The following TENM3 variants were observed in gnomAD, a reference collection of about 807,000 sequenced individuals.
The protein encoded by TENM3 is teneurin-3.
TENM3 carries 63 observed loss-of-function variants against 255.1 expected under a neutral mutation model. The ratio of observed to expected loss-of-function variants is 0.25; its 90% CI spans 0.20 to 0.30. The LOEUF (loss-of-function observed/expected upper bound fraction) is 0.30. TENM3 is among the 10% of genes least tolerant of loss of function. TENM3 has a pLI of 1.00. For synonymous variants in TENM3, 1,306 were observed against 1,322.3 expected (o/e 0.99, Z 0.27); for missense variants, 2,929 against 3,461.1 (o/e 0.85, Z 3.86).
At chr4:181,454,937 G>C in the TENM3 span, among the ~76,000 whole-genome samples, 1 of 151,918 alleles carries the variant, frequency 6.6e-6, no homozygotes, top group Non-Finnish European at 1.5e-5. Flanking sequence ...AATCACCTAA[G>C]AACAGGTTTC....
chr4:182,791,758 T>G (rs1273120789), intron 25 of TENM3, among the ~76,000 whole-genome samples: 1 of 152,228 alleles, frequency 6.6e-6, no homozygotes, highest in Non-Finnish European at 1.5e-5. Flanking sequence ...CATTTTTGGC[T>G]AATTTTATGT....
rs373444786 is a variant in TENM3, at chr4:182,789,165, C to T, written c.5377C>T (p.Arg1793Cys). 2.5e-5 allele frequency: 40 copies of T among 1,612,682 alleles called. No individual in the cohort carries two copies. Among genetic ancestry groups the T allele is most frequent in the African/African-American group, 1.7e-4 (13 of 74,910 alleles). Residue 1793 changes from arginine to cysteine, a missense_variant, in exon 25 of 28, where the codon CGT becomes TGT. Coordinates refer to ENST00000511685, the MANE Select transcript of TENM3 (RefSeq NM_001080477.4). The surrounding 1 kb of genome is among the most constrained non-coding windows in gnomAD (Gnocchi z 4.4). ...GACAGAAAAGATCTATGACGACCACCGTAAATTTCTACTGAGGATCGCCTA... is the reference window on the plus strand; with the variant it reads ...GACAGAAAAGATCTATGACGACCACTGTAAATTTCTACTGAGGATCGCCTA... ...TKTEKIYDDHRKFLLRIAYDT... is the reference protein window; with the variant it reads ...TKTEKIYDDHCKFLLRIAYDT...
At chr4:181,502,122 A>G in the TENM3 span, among the ~76,000 whole-genome samples, 1 of 152,170 alleles carries the variant, frequency 6.6e-6, no homozygotes, top group African/African-American at 2.4e-5. Flanking sequence ...GCAAAACCTT[A>G]TTTAGAAGGT....
chr4:182,112,763 C>G, the TENM3 span, among the ~76,000 whole-genome samples: 1 of 152,088 alleles, frequency 6.6e-6, no homozygotes, highest in Non-Finnish European at 1.5e-5. Flanking sequence ...AATTGCCATC[C>G]CGGAATCTCC....
chr4:182,636,465 A>AG (rs1386682569), intron 5 of TENM3, among the ~76,000 whole-genome samples: 6 of 152,108 alleles, frequency 3.9e-5, no homozygotes, highest in African/African-American at 1.2e-4. Flanking sequence ...GGCCGGGCAC[A>AG]GTGGCTCACA....
intron 1 of TENM3, among the ~76,000 whole-genome samples, chr4:182,174,123 C>T (rs905414241): frequency 2.6e-5 from 4 of 152,008 alleles, no homozygotes; most frequent in African/African-American, 9.7e-5. Context: ...CTACATTTAT[C>T]TTTATCTTGA....
intron 3 of TENM3, among the ~76,000 whole-genome samples, chr4:182,401,881 T>G (rs180885549): frequency 6.6e-6 from 1 of 152,208 alleles, no homozygotes; most frequent in African/African-American, 2.4e-5. Flanking sequence ...AATAAGGAAT[T>G]GGTCAGGAAG....
intron 1 of TENM3, among the ~76,000 whole-genome samples, chr4:182,274,763 T>G (rs1297353397): frequency 6.6e-6 from 1 of 152,204 alleles, no homozygotes; most frequent in African/African-American, 2.4e-5. Flanking sequence ...TACCTTGAGA[T>G]TAAATGGCTA....
the TENM3 span, among the ~76,000 whole-genome samples, chr4:181,757,292 G>GTCATC: frequency 6.6e-6 from 1 of 152,144 alleles, no homozygotes; most frequent in South Asian, 2.1e-4. Flanking sequence ...CTCAGTCTCT[G>GTCATC]TCATCTCATG....
chr4:182,253,257 A>G (rs1351572910), intron 1 of TENM3, among the ~76,000 whole-genome samples: 1 of 152,162 alleles, frequency 6.6e-6, no homozygotes, highest in Non-Finnish European at 1.5e-5. Flanking sequence ...GGGTCACCTG[A>G]GGTCAGGAGT....
the TENM3 span, among the ~76,000 whole-genome samples, chr4:181,671,176 A>G: frequency 1.3e-5 from 2 of 152,150 alleles, no homozygotes; most frequent in Non-Finnish European, 2.9e-5. Context: ...AGACTCCTTA[A>G]CAAGTGAGTT....
chr4:181,957,252 G>T, the TENM3 span, among the ~76,000 whole-genome samples: 1 of 152,286 alleles, frequency 6.6e-6, no homozygotes, highest in East Asian at 1.9e-4. Context: ...ACATTACTGT[G>T]TACAATGGGT....
intron 12 of TENM3, among the ~76,000 whole-genome samples, chr4:182,713,264 G>A (rs745947998): frequency 1.3e-5 from 2 of 152,156 alleles, no homozygotes; most frequent in Non-Finnish European, 2.9e-5. Flanking sequence ...CCGTGTTTTT[G>A]TTCAGTCTAT....
intron 12 of TENM3, among the ~76,000 whole-genome samples, chr4:182,706,924 A>C (rs1464988741): frequency 6.7e-6 from 1 of 150,358 alleles, no homozygotes; most frequent in Non-Finnish European, 1.5e-5. Flanking sequence ...GCACCAGCGC[A>C]CTCCAGCCTG....
the TENM3 span, among the ~76,000 whole-genome samples, chr4:181,605,165 A>T: frequency 1.1e-4 from 16 of 151,972 alleles, no homozygotes; most frequent in African/African-American, 3.6e-4. Context: ...CAAGCAAACC[A>T]GCCGGCGTGG....
At chr4:181,623,310 G>T in the TENM3 span, among the ~76,000 whole-genome samples, 1 of 152,120 alleles carries the variant, frequency 6.6e-6, no homozygotes, top group Non-Finnish European at 1.5e-5. Context: ...GAATTACTAC[G>T]TGTAAAGTCC....
At chr4:181,629,766 A>T in the TENM3 span, among the ~76,000 whole-genome samples, 1 of 152,256 alleles carries the variant, frequency 6.6e-6, no homozygotes, top group African/African-American at 2.4e-5. Context: ...TTTTGCATCG[A>T]TGTTCATCAG....
chr4:182,441,311 A>C (rs931933348), intron 3 of TENM3, among the ~76,000 whole-genome samples: 3 of 152,192 alleles, frequency 2.0e-5, no homozygotes, highest in Non-Finnish European at 4.4e-5. Context: ...GCTTAGGAGT[A>C]TGTGAGAGAG....
chr4:181,639,697 G>T, the TENM3 span, among the ~76,000 whole-genome samples: 2 of 152,160 alleles, frequency 1.3e-5, no homozygotes, highest in African/African-American at 2.4e-5. Flanking sequence ...CCGAGATCAC[G>T]CCAGTGTACT....
Sources: gnomAD v4.1 joint callset for allele counts (sites outside exome capture counted in the v4.1 genomes callset) on GRCh38, gnomAD v4.1.1 for gene constraint, Gnocchi (gnomAD v3.1) non-coding constraint, MANE v1.5 for transcripts, NCBI Gene and HGNC (gene_info 2026-07-23, HGNC 2026-07-21) for gene names.